Variants in RGS7BP observed in about 807,000 individuals in gnomAD.
The protein encoded by RGS7BP is regulator of G protein signaling 7-binding protein.
In RGS7BP, 9 loss-of-function variants were observed where a neutral mutation model predicts 31.3. That is an observed-to-expected ratio of 0.29 (90% CI 0.17 to 0.50). The LOEUF is 0.50. Among genes scored for constraint, RGS7BP ranks in the 20% least tolerant of loss-of-function variants. The probability of loss-of-function intolerance (pLI) is 0.98; values close to 1 mark genes in which losing one functional copy is unlikely to be tolerated. For synonymous variants in RGS7BP, 115 were observed against 120.1 expected (o/e 0.96, Z 0.28); for missense variants, 274 against 322.0 (o/e 0.85, Z 1.14).
At chr5:64,597,520 A>T (rs1480763717) in intron 4 of RGS7BP, among the ~76,000 whole-genome samples, 1 of 151,722 alleles carries the variant, frequency 6.6e-6, no homozygotes, top group African/African-American at 2.4e-5. Flanking sequence ...TTCCAAGTCA[A>T]TGTAATAAGT....
chr5:64,514,125 T>G (rs1246930420), intron 2 of RGS7BP, among the ~76,000 whole-genome samples: 2 of 152,214 alleles, frequency 1.3e-5, no homozygotes, highest in African/African-American at 4.8e-5. Context: ...TGCCTTCAGC[T>G]TCACATGGCC....
At chr5:64,553,437 G>T (rs1185063828) in intron 2 of RGS7BP, among the ~76,000 whole-genome samples, 1 of 152,028 alleles carries the variant, frequency 6.6e-6, no homozygotes, top group African/African-American at 2.4e-5. Context: ...CTCCCAAAGT[G>T]CTAGGATTAC....
chr5:64,609,293 A>T lies in RGS7BP; in HGVS notation c.*41A>T, dbSNP rs751188140. The T allele has an allele frequency of 8.2e-7, 1 of 1,221,242 alleles. No individual in the cohort carries two copies. Among genetic ancestry groups the T allele is most frequent in the South Asian group, 1.2e-5 (1 of 83,274 alleles). The allele number at this position is 1,221,242 out of a possible 1,614,324, so 75.7% of individuals were successfully genotyped here. A position where few individuals can be genotyped will look rare whatever the true frequency, so the allele number is the denominator to read the frequency against. ...AACCCACTGAGAACATCTGAAAAAA[A>T]ATCACAAAACCCGAGGACCTCCAGA... On this transcript the variant is annotated 3_prime_UTR_variant, in exon 6 of 6. Coordinates refer to ENST00000334025, the MANE Select transcript of RGS7BP (RefSeq NM_001029875.3).
intron 3 of RGS7BP, among the ~76,000 whole-genome samples, chr5:64,576,858 A>G (rs749402388): frequency 6.6e-6 from 1 of 152,204 alleles, no homozygotes; most frequent in Non-Finnish European, 1.5e-5. Context: ...ACAATAATTT[A>G]TTGGGAACTT....
At chr5:64,528,057 A>G (rs1314311708) in intron 2 of RGS7BP, among the ~76,000 whole-genome samples, 1 of 152,262 alleles carries the variant, frequency 6.6e-6, no homozygotes, top group East Asian at 1.9e-4. Context: ...ACGAAGATAT[A>G]TGCAAAAACT....
intron 2 of RGS7BP, among the ~76,000 whole-genome samples, chr5:64,574,395 T>C (rs1013534053): frequency 2.8e-4 from 43 of 152,132 alleles, no homozygotes; most frequent in African/African-American, 9.6e-4. Context: ...TATGGGAGGA[T>C]GCTCTGAAAA....
chr5:64,506,734 G>A lies in RGS7BP; in HGVS notation c.110G>A (p.Gly37Asp). 1 of 1,607,186 alleles carries A rather than the reference G, an allele frequency of 6.2e-7. No homozygotes were observed. The highest frequency in any genetic ancestry group is 8.5e-7 in the Non-Finnish European group (1 of 1,174,376). ...PLQSGDWERR[G>D]SGSESAHKTQ... ...CAGAGCGGAGATTGGGAGCGCAGGG[G>A]CAGCGGCTCCGAGAGCGCCCACAAA... Residue 37 changes from glycine (G) to aspartate (D), a missense_variant, in exon 1 of 6, where the codon GGC (glycine) becomes GAC (aspartate). Transcript: ENST00000334025. The surrounding 1 kb of genome is among the most constrained non-coding windows in gnomAD (Gnocchi z 4.6).
chr5:64,509,407 A>C (rs1748773881), intron 2 of RGS7BP, among the ~76,000 whole-genome samples: 1 of 152,194 alleles, frequency 6.6e-6, no homozygotes, highest in Admixed American at 6.5e-5. Flanking sequence ...AACATGTTCT[A>C]ATCAGAGATG....
At chr5:64,573,945 A>C (rs1376734525) in intron 2 of RGS7BP, among the ~76,000 whole-genome samples, 1 of 152,146 alleles carries the variant, frequency 6.6e-6, no homozygotes, top group Non-Finnish European at 1.5e-5. Context: ...AAATAAAATA[A>C]AATTTTAAAA....
chr5:64,533,545 C>A (rs1749426585), intron 2 of RGS7BP, among the ~76,000 whole-genome samples: 1 of 152,170 alleles, frequency 6.6e-6, no homozygotes, highest in Non-Finnish European at 1.5e-5. Flanking sequence ...CGAAGCCCTG[C>A]CCCTGAGGTG....
At chr5:64,563,018 C>G (rs1742090012) in intron 2 of RGS7BP, among the ~76,000 whole-genome samples, 1 of 152,112 alleles carries the variant, frequency 6.6e-6, no homozygotes, top group Non-Finnish European at 1.5e-5. Context: ...CTTCCTGTCT[C>G]CCCAGCTGCT....
intron 3 of RGS7BP, among the ~76,000 whole-genome samples, chr5:64,581,285 G>A (rs1742590112): frequency 6.6e-6 from 1 of 152,148 alleles, no homozygotes; most frequent in Non-Finnish European, 1.5e-5. Context: ...CTGTGTGAGT[G>A]CTAAAAGTTT....
At chr5:64,521,978 G>C (rs1387344941) in intron 2 of RGS7BP, among the ~76,000 whole-genome samples, 3 of 152,252 alleles carry the variant, frequency 2.0e-5, no homozygotes, top group African/African-American at 7.2e-5. Context: ...GTTCTTACAA[G>C]CACTTTATTA....
chr5:64,604,783 A>G (rs576283989), intron 5 of RGS7BP, among the ~76,000 whole-genome samples: 37 of 152,018 alleles, frequency 2.4e-4, no homozygotes, highest in African/African-American at 6.5e-4. Context: ...CTTATCACCT[A>G]TATAAGAAAT....
intron 3 of RGS7BP, among the ~76,000 whole-genome samples, chr5:64,592,772 C>T (rs2111952639): frequency 6.6e-6 from 1 of 152,294 alleles, no homozygotes; most frequent in East Asian, 1.9e-4. Context: ...TTCACCAAGG[C>T]ATTTCGAACC....
intron 5 of RGS7BP, among the ~76,000 whole-genome samples, chr5:64,605,893 CTATATATATGT>C: frequency 7.0e-6 from 1 of 143,060 alleles, no homozygotes; most frequent in Non-Finnish European, 1.5e-5. Context: ...TATATATATG[CTATATATATGT>C]ATATCTGGAT....
chr5:64,531,436 C>A (rs1200289722), intron 2 of RGS7BP, among the ~76,000 whole-genome samples: 1 of 152,124 alleles, frequency 6.6e-6, no homozygotes, highest in African/African-American at 2.4e-5. Context: ...ACAAAACTTG[C>A]ACCTGGGGAG....
chr5:64,530,911 C>A (rs1168187811), intron 2 of RGS7BP, among the ~76,000 whole-genome samples: 1 of 151,974 alleles, frequency 6.6e-6, no homozygotes, highest in East Asian at 1.9e-4. Flanking sequence ...GGACACAAAC[C>A]AAGGAGAATG....
intron 2 of RGS7BP, among the ~76,000 whole-genome samples, chr5:64,574,848 T>C (rs1742379419): frequency 6.6e-6 from 1 of 152,214 alleles, no homozygotes; most frequent in Non-Finnish European, 1.5e-5. Flanking sequence ...TCAGATTTCA[T>C]TGCATTTTAA....
Sources: allele counts gnomAD v4.1 joint callset (sites outside exome capture counted in the v4.1 genomes callset), GRCh38; gene constraint gnomAD v4.1.1; non-coding constraint Gnocchi (gnomAD v3.1); transcripts MANE v1.5; gene names NCBI Gene and HGNC (gene_info 2026-07-23, HGNC 2026-07-21).